JCAD: variants seen among roughly 807,000 people sequenced by gnomAD.
The protein encoded by JCAD is junctional cadherin 5 associated.
A neutral mutation model predicts 98.0 loss-of-function variants in JCAD; 40 were observed. The observed-to-expected ratio is 0.41, with a 90% CI of 0.32 to 0.53. The LOEUF (loss-of-function observed/expected upper bound fraction) is 0.53. Among genes scored for constraint, JCAD ranks in the 20% least tolerant of loss-of-function variants. The probability of loss-of-function intolerance (pLI) is 0.31; values close to 1 mark genes in which losing one functional copy is unlikely to be tolerated. For synonymous variants in JCAD, 691 were observed against 682.3 expected, an observed-to-expected ratio of 1.01 and a Z score of -0.20; for missense variants, 1,705 against 1,738.1, an observed-to-expected ratio of 0.98 and a Z score of 0.34.
chr10:30,093,411 T>C (rs1230656288), intron 1 of JCAD, among the ~76,000 whole-genome samples: 2 of 152,218 alleles, frequency 1.3e-5, no homozygotes, highest in African/African-American at 2.4e-5. Context: ...CACATCAGTT[T>C]GGATAATTTG....
chr10:30,082,987 T>C (rs1838112709), intron 1 of JCAD, among the ~76,000 whole-genome samples: 1 of 151,780 alleles, frequency 6.6e-6, no homozygotes, highest in South Asian at 2.1e-4. Flanking sequence ...TGAGCCAAGA[T>C]TGCACCACTG....
At chr10:30,050,139 A>G (rs557096687) in intron 1 of JCAD, among the ~76,000 whole-genome samples, 1 of 151,924 alleles carries the variant, frequency 6.6e-6, no homozygotes, top group South Asian at 2.1e-4. Context: ...ACATGGTGAG[A>G]GCCTGTCTCT....
upstream of JCAD, among the ~76,000 whole-genome samples, chr10:30,061,805 G>A (rs1471901961): frequency 1.3e-5 from 2 of 151,544 alleles, no homozygotes; most frequent in African/African-American, 2.4e-5. Context: ...AGCATCATTC[G>A]ATGATGGATT....
chr10:30,107,645 T>G (rs1257447345), intron 1 of JCAD, among the ~76,000 whole-genome samples: 1 of 152,238 alleles, frequency 6.6e-6, no homozygotes, highest in Non-Finnish European at 1.5e-5. Context: ...TTTACTTCTT[T>G]AATAAACTTG....
rs537005812 is a variant in JCAD at position 30,042,216 on chromosome 10, G to A, written c.281+5316C>T. On this transcript the variant is annotated intron_variant, in intron 2 of 3. Transcript: ENST00000375377. ...TGTTATTTGTCAAATTGTCTGTGAA[G>A]AGAACATGTTTTGGGGTACACAGGG... Among the ~76,000 whole-genome samples, 4 of 152,294 alleles carry A rather than the reference G, an allele frequency of 2.6e-5. No individual in the cohort carries two copies. The East Asian group carries it at 5.8e-4, about 22-fold the overall frequency.
chr10:30,026,589 G>C lies in JCAD; in HGVS notation c.3559C>G (p.Pro1187Ala). The change falls in exon 3 of 4, where the codon CCT (proline) becomes GCT (alanine). Residue 1187 changes from proline to alanine, a missense_variant. Coordinates refer to ENST00000375377, the MANE Select transcript of JCAD (RefSeq NM_020848.4). ...GGGCTGGGCTCAGGCTCAGGGACAG[G>C]GTCTGTGCTGGTGACAACCCCGTCC... Reference protein sequence around the residue: ...DVDGVVTSTDPVPEPEPSPLE... With the variant: ...DVDGVVTSTDAVPEPEPSPLE... 1 of 1,613,874 alleles carries C rather than the reference G, an allele frequency of 6.2e-7. No individual in the cohort carries two copies. Among genetic ancestry groups the C allele is most frequent in the Non-Finnish European group, 8.5e-7 (1 of 1,180,030 alleles).
chr10:30,023,329 C>G (rs1470508737), intron 3 of JCAD, among the ~76,000 whole-genome samples: 1 of 152,180 alleles, frequency 6.6e-6, no homozygotes, highest in Non-Finnish European at 1.5e-5. Context: ...TGAGCCACCA[C>G]GCACGGCCTG....
chr10:30,039,282 C>G (rs1837191259), intron 2 of JCAD, among the ~76,000 whole-genome samples: 1 of 152,180 alleles, frequency 6.6e-6, no homozygotes, highest in Non-Finnish European at 1.5e-5. Context: ...CAGGCAGGGA[C>G]AGGAAGCACT....
intron 1 of JCAD, among the ~76,000 whole-genome samples, chr10:30,076,602 G>A (rs960053180): frequency 1.3e-5 from 2 of 152,128 alleles, no homozygotes; most frequent in Admixed American, 6.5e-5. Flanking sequence ...AGAAAGGGGC[G>A]GTGTCCCAGG....
At chr10:30,022,521 A>C (rs1836682980) in intron 3 of JCAD, among the ~76,000 whole-genome samples, 1 of 152,220 alleles carries the variant, frequency 6.6e-6, no homozygotes, top group African/African-American at 2.4e-5. Flanking sequence ...CAGTGAGCGG[A>C]AAAGTGGACA....
Position 30,014,378 on chromosome 10 carries a change from G to A in JCAD, c.*3505C>T. 1 of 152,138 alleles carries A rather than the reference G, an allele frequency of 6.6e-6. No individual in the cohort carries two copies. Among genetic ancestry groups the A allele is most frequent in the East Asian group, 1.9e-4 (1 of 5,196 alleles). The allele number at this position is 152,138 out of a possible 1,614,324, so 9.4% of individuals were successfully genotyped here. ...AATGCTCCCCAACGCTAAAGTAATTGCTTCTAAGAACTTAGGACATGGGAA... is the reference window on the plus strand; with the variant it reads ...AATGCTCCCCAACGCTAAAGTAATTACTTCTAAGAACTTAGGACATGGGAA... On this transcript the variant is annotated 3_prime_UTR_variant, in exon 4 of 4. Coordinates refer to ENST00000375377, the MANE Select transcript of JCAD (RefSeq NM_020848.4).
intron 1 of JCAD, among the ~76,000 whole-genome samples, chr10:30,084,061 A>AAAAG (rs199615554): frequency 9.4e-4 from 143 of 151,842 alleles, no homozygotes; most frequent in African/African-American, 2.8e-3. Context: ...AATAGAAAGA[A>AAAAG]AAAGAAAGAA....
At chr10:30,115,118 G>A (rs1452925942) in intron 1 of JCAD, among the ~76,000 whole-genome samples, 4 of 152,090 alleles carry the variant, frequency 2.6e-5, no homozygotes, top group South Asian at 2.1e-4. Context: ...AATGCGATGC[G>A]GCGACTCCAA....
At chr10:30,103,037 T>C (rs1439714531) in intron 1 of JCAD, among the ~76,000 whole-genome samples, 1 of 152,172 alleles carries the variant, frequency 6.6e-6, no homozygotes, top group African/African-American at 2.4e-5. Context: ...GGACCTACAA[T>C]TGAAGATGAG....
intron 1 of JCAD, among the ~76,000 whole-genome samples, chr10:30,103,893 G>A (rs1838516054): frequency 6.6e-6 from 1 of 151,998 alleles, no homozygotes; most frequent in South Asian, 2.1e-4. Context: ...CATCACGCTT[G>A]GCTAATTTTT....
chr10:30,106,801 C>T (rs1409426948), intron 1 of JCAD, among the ~76,000 whole-genome samples: 3 of 152,094 alleles, frequency 2.0e-5, no homozygotes, highest in Non-Finnish European at 2.9e-5. Flanking sequence ...ATGCCTGGCC[C>T]GTTGTAGTTC....
chr10:30,090,705 C>T (rs1211615529), intron 1 of JCAD, among the ~76,000 whole-genome samples: 1 of 152,142 alleles, frequency 6.6e-6, no homozygotes, highest in Non-Finnish European at 1.5e-5. Flanking sequence ...AAACTGAAAA[C>T]CAAATCACTG....
intron 1 of JCAD, among the ~76,000 whole-genome samples, chr10:30,103,733 C>CTTTT (rs3858238): frequency 1.6e-5 from 2 of 126,746 alleles, no homozygotes; most frequent in Non-Finnish European, 3.3e-5. Context: ...GTCAATTTTT[C>CTTTT]TTTTTTTTTT....
In JCAD at chr10:30,027,910, A is replaced by C; in HGVS notation, c.2238T>G (p.Ser746Arg). 6.2e-7 allele frequency: 1 copy of C among 1,614,210 alleles called. No individual in the cohort carries two copies. Among genetic ancestry groups the C allele is most frequent in the Non-Finnish European group, 8.5e-7 (1 of 1,180,038 alleles). ...FPTGDHKQRP[S>R]ARNLKGHRSL... ...ACCTGTGACCTTTCAGGTTACGGGC[A>C]CTTGGCCTCTGTTTGTGATCACCGG... The change falls in exon 3 of 4, where the codon AGT becomes AGG. Residue 746 changes from serine to arginine, a missense_variant. Ser to Arg is a moderately radical substitution (Grantham distance 110, BLOSUM62 -1). Around this residue, in one of 3 missense-constraint regions of JCAD, gnomAD observed 1,278 missense variants for 1,243.1 expected, o/e 1.03. Transcript: ENST00000375377.
Sources: gnomAD v4.1 joint callset for allele counts (sites outside exome capture counted in the v4.1 genomes callset) on GRCh38, gnomAD v4.1.1 for gene constraint, gnomAD v4.1.1 regional missense constraint, MANE v1.5 for transcripts, NCBI Gene and HGNC (gene_info 2026-07-23, HGNC 2026-07-21) for gene names.